The following VRK3 variants were observed in gnomAD, a reference collection of about 807,000 sequenced individuals.
VRK3 encodes the protein VRK serine/threonine kinase 3.
In VRK3, 50 loss-of-function variants were observed where a neutral mutation model predicts 60.4. The ratio of observed to expected loss-of-function variants is 0.83; its 90% CI spans 0.66 to 1.05. The LOEUF (loss-of-function observed/expected upper bound fraction) is 1.05. Among genes scored for constraint, VRK3 ranks in the 50% least tolerant of loss-of-function variants. The pLI is 0.00. For synonymous variants in VRK3, 246 were observed against 227.8 expected, an observed-to-expected ratio of 1.08 and a Z score of -0.72; for missense variants, 549 against 585.3, an observed-to-expected ratio of 0.94 and a Z score of 0.64.
At chr19:49,982,331 G>A in intron 12 of VRK3, 1 of 649,828 alleles carries the variant, frequency 1.5e-6, no homozygotes, top group Non-Finnish European at 2.8e-6. Context: ...CTAGGTGGCT[G>A]TTTGATTTTT....
chr19:50,010,087 CAAT>C (rs899407013), intron 3 of VRK3, among the ~76,000 whole-genome samples: 6 of 151,806 alleles, frequency 4.0e-5, no homozygotes, highest in African/African-American at 1.2e-4. Flanking sequence ...TACACACATA[CAAT>C]GATTGTGTGT....
At chr19:49,990,555 T>C (rs942377110) in intron 10 of VRK3, among the ~76,000 whole-genome samples, 3 of 151,896 alleles carry the variant, frequency 2.0e-5, no homozygotes, top group African/African-American at 7.3e-5. Flanking sequence ...CGATTTTTTG[T>C]AAAGATGGGG....
chr19:50,006,549 G>C (rs1008120726), intron 5 of VRK3, among the ~76,000 whole-genome samples: 1 of 151,742 alleles, frequency 6.6e-6, no homozygotes, highest in Non-Finnish European at 1.5e-5. Context: ...CTAATTTTTT[G>C]TATTTTTAGT....
intron 3 of VRK3, among the ~76,000 whole-genome samples, chr19:50,015,068 A>G (rs1234606836): frequency 6.6e-6 from 1 of 152,088 alleles, no homozygotes; most frequent in Non-Finnish European, 1.5e-5. Context: ...GATGATCCCC[A>G]GGGTCCGGCC....
chr19:50,005,908 T>C lies in VRK3; in HGVS notation c.547+1661A>G, dbSNP rs1369730639. Among the ~76,000 whole-genome samples, 3 of 149,456 alleles carry C rather than the reference T, an allele frequency of 2.0e-5. 1 individual carries two copies. The highest frequency in any genetic ancestry group is 7.7e-5 in the African/African-American group (3 of 38,770). On this transcript the variant is annotated intron_variant, in intron 5 of 14. Transcript: ENST00000316763. The stretch of plus-strand genomic sequence containing the variant: ...GGCTCAGAACTACTGGGTTTCTTTT[T>C]GGGGTGACAGAAACGTCCTGGAATT...
chr19:50,016,238 T>C, intron 2 of VRK3, 75 bp from the exon 3 acceptor site: 1 of 1,583,424 alleles, frequency 6.3e-7, no homozygotes, highest in South Asian at 1.1e-5. Flanking sequence ...TGAACTGCTC[T>C]TAATCACAGG....
At chr19:49,987,058 T>G (rs184258648) in intron 12 of VRK3, 6 of 152,380 alleles carry the variant, frequency 3.9e-5, no homozygotes, top group African/African-American at 9.6e-5. Flanking sequence ...TTATTTTCAG[T>G]AGAGACAGAG....
intron 6 of VRK3, chr19:50,000,504 C>T (rs948925934): frequency 4.1e-6 from 2 of 486,410 alleles, no homozygotes; most frequent in Admixed American, 7.1e-5. Flanking sequence ...TTAGTGGCTC[C>T]ATTTCACAGA....
intron 6 of VRK3, chr19:49,999,194 T>G (rs570527513): frequency 6.6e-6 from 1 of 152,292 alleles, no homozygotes; most frequent in Admixed American, 6.5e-5. Context: ...ACATAATAGG[T>G]TCTCAATAAG....
intron 7 of VRK3, among the ~76,000 whole-genome samples, chr19:49,995,634 C>T (rs1290319827): frequency 1.3e-5 from 2 of 152,212 alleles, no homozygotes; most frequent in Non-Finnish European, 2.9e-5. Context: ...CCGGAATGTG[C>T]CTCTGCCTGT....
At chr19:50,024,124 G>A (rs2077220825) in intron 1 of VRK3, among the ~76,000 whole-genome samples, 1 of 152,118 alleles carries the variant, frequency 6.6e-6, no homozygotes, top group East Asian at 1.9e-4. Context: ...TTTTAGTAGA[G>A]ATGGGGTTTC....
At chr19:49,980,043 C>A (rs1314632385) in intron 13 of VRK3, among the ~76,000 whole-genome samples, 6 of 151,828 alleles carry the variant, frequency 4.0e-5, no homozygotes, top group Non-Finnish European at 5.9e-5. Context: ...GAGCAAGACT[C>A]CGTCTCAAAA....
intron 10 of VRK3, among the ~76,000 whole-genome samples, chr19:49,990,450 G>A (rs1029882879): frequency 8.5e-5 from 13 of 152,248 alleles, no homozygotes; most frequent in African/African-American, 1.9e-4. Context: ...GCAGTGGCGC[G>A]ATCACGGCTC....
intron 1 of VRK3, among the ~76,000 whole-genome samples, chr19:50,023,311 A>G (rs2122723803): frequency 6.6e-6 from 1 of 152,158 alleles, no homozygotes; most frequent in East Asian, 1.9e-4. Context: ...TCAGCCTCCC[A>G]TGTAGTTGGG....
rs571114457 is a variant in VRK3 at position 49,996,059 on chromosome 19, T to C, written c.680-784A>G. Among the ~76,000 whole-genome samples, 3 of 152,198 alleles carry C rather than the reference T, an allele frequency of 2.0e-5. 1 individual carries two copies. Among genetic ancestry groups the C allele is most frequent in the African/African-American group, 7.2e-5 (3 of 41,518 alleles). ...GCCTCAGCCTCCCGAGTAGCTGGGA[T>C]CACAGGCACGTGCCACCACATCCAA... On this transcript the variant is annotated intron_variant, in intron 7 of 14. Transcript: ENST00000316763.
At chr19:50,024,103 A>G (rs1260846284) in intron 1 of VRK3, among the ~76,000 whole-genome samples, 1 of 151,976 alleles carries the variant, frequency 6.6e-6, no homozygotes, top group Non-Finnish European at 1.5e-5. Context: ...ATGCCCGGCT[A>G]ATTTTTTTAT....
chr19:50,011,047 T>C (rs11083996), intron 3 of VRK3, among the ~76,000 whole-genome samples: 58,024 of 152,170 alleles, frequency 0.38, 12,224 homozygotes, highest in East Asian at 0.74. Context: ...ATTGCTTTTG[T>C]TGTAGTTCAC....
At chr19:49,986,039 A>G (rs1370194541) in intron 12 of VRK3, among the ~76,000 whole-genome samples, 1 of 152,228 alleles carries the variant, frequency 6.6e-6, no homozygotes, top group Non-Finnish European at 1.5e-5. Context: ...AGACAAGTGT[A>G]TAATAAATGT....
intron 6 of VRK3, 62 bp from the exon 7 acceptor site, chr19:49,997,632 T>G (rs1483900752): frequency 8.8e-6 from 14 of 1,582,876 alleles, no homozygotes; most frequent in Non-Finnish European, 1.2e-5. Context: ...GGGCCCCCAG[T>G]CCCCACTGGC....
Sources: gnomAD v4.1 joint callset for allele counts (sites outside exome capture counted in the v4.1 genomes callset) on GRCh38, gnomAD v4.1.1 for gene constraint, MANE v1.5 for transcripts, NCBI Gene and HGNC (gene_info 2026-07-23, HGNC 2026-07-21) for gene names.